CSE1L: variants seen among roughly 807,000 people sequenced by gnomAD.
CSE1L encodes chromosome segregation 1 like, also known as exportin-2.
In CSE1L, 24 loss-of-function variants were observed where a neutral mutation model predicts 120.4. The observed-to-expected ratio is 0.20, with a 90% CI of 0.14 to 0.28. The LOEUF is 0.28. CSE1L is among the 10% of genes least tolerant of loss of function. The probability of loss-of-function intolerance (pLI) is 1.00; values close to 1 mark genes in which losing one functional copy is unlikely to be tolerated. For synonymous variants in CSE1L, 402 were observed against 398.3 expected, an observed-to-expected ratio of 1.01 and a Z score of -0.11; for missense variants, 830 against 1,145.2, an observed-to-expected ratio of 0.72 and a Z score of 3.97.
chr20:49,075,535 T>C lies in CSE1L; in HGVS notation c.1335+15T>C, dbSNP rs370198860. The C allele has an allele frequency of 6.5e-5, 104 of 1,610,040 alleles. No individual in the cohort carries two copies. Among genetic ancestry groups the C allele is most frequent in the Non-Finnish European group, 8.7e-5 (102 of 1,176,612 alleles). ...AAACACAGAAGGTAAATATTTTTAA[T>C]GTGGTTTTGTTTCTAAAACAGACAT... is the stretch of plus-strand genomic sequence containing the variant. On this transcript the variant is annotated intron_variant, in intron 12 of 24. Transcript: ENST00000262982.
intron 21 of CSE1L, among the ~76,000 whole-genome samples, chr20:49,091,445 T>C (rs1949291104): frequency 6.7e-6 from 1 of 150,236 alleles, no homozygotes; most frequent in Admixed American, 6.7e-5. Context: ...AAAGAAAATA[T>C]TGTAAGGGCC....
chr20:49,074,676 A>G, intron 10 of CSE1L, 109 bp from the exon 11 acceptor site: 3 of 767,766 alleles, frequency 3.9e-6, no homozygotes, highest in Non-Finnish European at 6.2e-6. Context: ...GATGGGAACG[A>G]ATTCTTTGCT....
At position 49,052,274 on chromosome 20, in the gene CSE1L, T is replaced by C. The variant is rs987469754; in HGVS notation, c.-12+5851T>C. ...CAGGTAATGCTGAAGGTCCTGAGCATACAGACGAAAGTCCCTGCCCTCAGG... is the reference window on the plus strand; with the variant it reads ...CAGGTAATGCTGAAGGTCCTGAGCACACAGACGAAAGTCCCTGCCCTCAGG... On this transcript the variant is annotated intron_variant, in intron 1 of 24. Coordinates refer to ENST00000262982, the MANE Select transcript of CSE1L (RefSeq NM_001316.4). Among the ~76,000 whole-genome samples the C allele has an allele frequency of 4.6e-5, 7 of 152,352 alleles. No homozygotes were observed. In the South Asian group the frequency reaches 1.4e-3, roughly 32 times the overall value.
intron 1 of CSE1L, among the ~76,000 whole-genome samples, chr20:49,050,732 A>AT (rs1190068263): frequency 2.0e-5 from 3 of 151,778 alleles, no homozygotes; most frequent in Non-Finnish European, 4.4e-5. Context: ...AATTTTTAAA[A>AT]TTTTTTGTAG....
Position 49,072,431 on chromosome 20 carries a change from G to T in CSE1L, c.914G>T (p.Gly305Val). ...ATCTGGAATTTACTAGTTACAACGG[G>T]TCAAGAGGTTAAATATGATTTGGTA... ...TAIWNLLVTT[G>V]QEVKYDLLVS... Residue 305 changes from glycine (G) to valine (V), a missense_variant, in exon 9 of 25, where the codon GGT becomes GTT. By Grantham distance (109) the Gly-to-Val change is moderately radical (BLOSUM62 -3). Transcript: ENST00000262982. 1 of 1,614,154 alleles carries T rather than the reference G, an allele frequency of 6.2e-7. No individual in the cohort carries two copies. Among genetic ancestry groups the T allele is most frequent in the Non-Finnish European group, 8.5e-7 (1 of 1,180,032 alleles).
At chr20:49,063,944 T>C (rs1223620790) in intron 3 of CSE1L, among the ~76,000 whole-genome samples, 1 of 152,220 alleles carries the variant, frequency 6.6e-6, no homozygotes, top group East Asian at 1.9e-4. Context: ...TTATAACAGG[T>C]TTAATGATTA....
intron 1 of CSE1L, among the ~76,000 whole-genome samples, chr20:49,054,684 C>T (rs1382027515): frequency 6.6e-6 from 1 of 152,160 alleles, no homozygotes; most frequent in East Asian, 1.9e-4. Flanking sequence ...TTCTGCAAAC[C>T]ATTACCAGCC....
chr20:49,093,591 T>G (rs984312508), intron 22 of CSE1L, among the ~76,000 whole-genome samples: 5 of 150,134 alleles, frequency 3.3e-5, no homozygotes, highest in African/African-American at 1.2e-4. Context: ...CTTTTTTTTT[T>G]TTGAGACTGG....
intron 15 of CSE1L, 140 bp from the exon 16 acceptor site, chr20:49,085,143 C>A: frequency 1.5e-6 from 1 of 657,040 alleles, no homozygotes; most frequent in Non-Finnish European, 2.7e-6. Context: ...AAATTATTTT[C>A]CTAAACTGTC....
intron 1 of CSE1L, among the ~76,000 whole-genome samples, chr20:49,048,497 T>G (rs1483527638): frequency 6.6e-6 from 1 of 152,070 alleles, no homozygotes; most frequent in African/African-American, 2.4e-5. Flanking sequence ...AGTGACAGAA[T>G]TATGTGACAG....
chr20:49,061,302 A>T (rs1353331170), intron 2 of CSE1L, among the ~76,000 whole-genome samples: 1 of 145,130 alleles, frequency 6.9e-6, no homozygotes, highest in Non-Finnish European at 1.5e-5. Context: ...CCTCCTGAGT[A>T]GCTGGGACTA....
chr20:49,053,440 C>A (rs2091784383), intron 1 of CSE1L, among the ~76,000 whole-genome samples: 1 of 140,258 alleles, frequency 7.1e-6, no homozygotes, highest in Non-Finnish European at 1.5e-5. Flanking sequence ...CTCATTGCAA[C>A]CTTTGCCTCC....
rs1360257614 is a variant in CSE1L at position 49,072,428 on chromosome 20, C to T, written c.911C>T (p.Thr304Met). 12 of 1,614,008 alleles carry T rather than the reference C, an allele frequency of 7.4e-6. No individual in the cohort carries two copies. Among genetic ancestry groups the T allele is most frequent in the South Asian group, 2.2e-5 (2 of 91,086 alleles). The stretch of plus-strand genomic sequence containing the variant: ...GCCATCTGGAATTTACTAGTTACAA[C>T]GGGTCAAGAGGTTAAATATGATTTG... ...VTAIWNLLVTTGQEVKYDLLV... is the reference protein window; with the variant it reads ...VTAIWNLLVTMGQEVKYDLLV... Residue 304 changes from threonine (T) to methionine (M), a missense_variant, in exon 9 of 25, where the codon ACG becomes ATG. Coordinates refer to ENST00000262982, the MANE Select transcript of CSE1L (RefSeq NM_001316.4).
In CSE1L at chr20:49,070,368, CCTATTTACT is replaced by C. The variant is rs890395471; in HGVS notation, c.768+74_768+82del. ...GAGTTATTTGGCTACAGTCTGGAAA[CCTATTTACT>C]CTTGCATTGTTAAAAGATAAAATTT... is the stretch of plus-strand genomic sequence containing the variant. On this transcript the variant is annotated intron_variant, in intron 8 of 24. Coordinates refer to ENST00000262982, the MANE Select transcript of CSE1L (RefSeq NM_001316.4). 238 of 722,010 alleles carry C rather than the reference CCTATTTACT, an allele frequency of 3.3e-4. 2 individuals are homozygous for C. Among genetic ancestry groups the C allele is most frequent in the Admixed American group, 2.8e-3 (108 of 38,986 alleles). The allele number at this position is 722,010 out of a possible 1,614,324, so 44.7% of individuals were successfully genotyped here.
intron 1 of CSE1L, among the ~76,000 whole-genome samples, chr20:49,049,949 C>G (rs1023049949): frequency 9.2e-5 from 14 of 152,074 alleles, no homozygotes; most frequent in African/African-American, 3.4e-4. Flanking sequence ...ATGGCTTGAG[C>G]CCAGGAGGCA....
At chr20:49,065,339 T>TTTTTTTTTTTTTTTTTTTG (rs2091883876) in intron 3 of CSE1L, among the ~76,000 whole-genome samples, 1 of 125,628 alleles carries the variant, frequency 8.0e-6, no homozygotes, top group South Asian at 2.8e-4. Flanking sequence ...TTTTTTTTTT[T>TTTTTTTTTTTTTTTTTTTG]TGAGAGGGAG....
chr20:49,080,665 G>A (rs372043321), intron 14 of CSE1L, among the ~76,000 whole-genome samples: 12 of 151,994 alleles, frequency 7.9e-5, no homozygotes, highest in African/African-American at 1.2e-4. Flanking sequence ...TAGTAGAGAC[G>A]GGGTTTCTCC....
chr20:49,096,673 G>A lies in CSE1L; in HGVS notation c.*235G>A. The A allele has an allele frequency of 1.8e-6, 1 of 561,958 alleles. No homozygotes were observed. Among genetic ancestry groups the A allele is most frequent in the Non-Finnish European group, 3.2e-6 (1 of 315,288 alleles). The allele number at this position is 561,958 out of a possible 1,614,324, so 34.8% of individuals were successfully genotyped here. The stretch of plus-strand genomic sequence containing the variant: ...CAACTTCAAGGGACAAGTATTAATA[G>A]TTCAGTGTATGGCGTTGGTTTGTGT... On this transcript the variant is annotated 3_prime_UTR_variant, in exon 25 of 25. Transcript: ENST00000262982.
chr20:49,073,673 TG>T (rs1264990941), intron 10 of CSE1L, among the ~76,000 whole-genome samples: 1 of 152,012 alleles, frequency 6.6e-6, no homozygotes, highest in Non-Finnish European at 1.5e-5. Context: ...TTTATAAAGA[TG>T]GGGGTCTTCC....
Sources: allele counts gnomAD v4.1 joint callset (sites outside exome capture counted in the v4.1 genomes callset), GRCh38; gene constraint gnomAD v4.1.1; transcripts MANE v1.5; gene names NCBI Gene and HGNC (gene_info 2026-07-23, HGNC 2026-07-21).